The following CDC42BPB variants were observed in gnomAD, a reference collection of about 807,000 sequenced individuals.
The protein encoded by CDC42BPB is serine/threonine-protein kinase MRCK beta.
CDC42BPB carries 37 observed loss-of-function variants against 214.9 expected under a neutral mutation model. The ratio of observed to expected loss-of-function variants is 0.17; its 90% CI spans 0.13 to 0.23. The LOEUF is 0.23. Among genes scored for constraint, CDC42BPB ranks in the 10% least tolerant of loss-of-function variants. The probability of loss-of-function intolerance (pLI) is 1.00; values close to 1 mark genes in which losing one functional copy is unlikely to be tolerated. For synonymous variants in CDC42BPB, 931 were observed against 884.0 expected, an observed-to-expected ratio of 1.05 and a Z score of -0.94; for missense variants, 1,694 against 2,227.0, an observed-to-expected ratio of 0.76 and a Z score of 4.82.
chr14:103,031,607 G>A (rs979492867), intron 1 of CDC42BPB, among the ~76,000 whole-genome samples: 6 of 152,148 alleles, frequency 3.9e-5, no homozygotes, highest in Non-Finnish European at 8.8e-5. Context: ...AACGTCTGGC[G>A]ATTTCCAATT....
intron 1 of CDC42BPB, among the ~76,000 whole-genome samples, chr14:103,051,211 G>A (rs1310540045): frequency 1.3e-5 from 2 of 150,446 alleles, no homozygotes; most frequent in Non-Finnish European, 2.9e-5. Context: ...TCTGATTTTA[G>A]ATTTAAGGAG....
rs143343625 is a variant in CDC42BPB, at chr14:102,934,036, G to T, written c.5005-193C>A. 2.9e-4 allele frequency: 391 copies of T among 1,351,832 alleles called. 3 individuals are homozygous for T. The East Asian group carries it at 6.4e-3, about 22-fold the overall frequency. 83.7% of individuals were successfully genotyped at this position (1,351,832 alleles called of 1,614,324 possible). ...GGCGTGCTGGTGAGAGTCACAAATT[G>T]ATGTCTAATCCCACTCAAAAATAAC... On this transcript the variant is annotated intron_variant, in intron 36 of 36. Coordinates refer to ENST00000361246, the MANE Select transcript of CDC42BPB (RefSeq NM_006035.4).
At chr14:102,977,768 C>T (rs1893822550) in intron 9 of CDC42BPB, among the ~76,000 whole-genome samples, 1 of 152,088 alleles carries the variant, frequency 6.6e-6, no homozygotes, top group South Asian at 2.1e-4. Context: ...AATCTCACCC[C>T]CCTGGCCTCT....
rs34227020 is a variant in CDC42BPB at position 103,002,070 on chromosome 14, T to C, written c.447+1858A>G. On this transcript the variant is annotated intron_variant, in intron 4 of 36. Transcript: ENST00000361246. ...TTAATTTTGATAAAACTCTGTGAGA[T>C]AGCTCCAATAGAAACTGTAGCAGAA... Among the ~76,000 whole-genome samples the C allele has an allele frequency of 2.0e-3, 307 of 152,342 alleles. 8 individuals are homozygous for C. The East Asian group carries it at 0.047, about 24-fold the overall frequency.
At chr14:102,987,914 T>C (rs546557374) in intron 5 of CDC42BPB, among the ~76,000 whole-genome samples, 6 of 151,476 alleles carry the variant, frequency 4.0e-5, no homozygotes, top group East Asian at 1.9e-4. Flanking sequence ...GCAGAGGCTG[T>C]AGTGAGCTGT....
At chr14:103,018,880 CA>C (rs1157625628) in intron 1 of CDC42BPB, among the ~76,000 whole-genome samples, 1 of 152,212 alleles carries the variant, frequency 6.6e-6, no homozygotes, top group Non-Finnish European at 1.5e-5. Context: ...GTGGGAGAAC[CA>C]GCCTGTTGTG....
intron 1 of CDC42BPB, among the ~76,000 whole-genome samples, chr14:103,036,586 T>C (rs1463985954): frequency 6.6e-6 from 1 of 152,016 alleles, no homozygotes; most frequent in Non-Finnish European, 1.5e-5. Flanking sequence ...TACTCCTCAT[T>C]TGGAAATACA....
In CDC42BPB at chr14:102,966,405, T is replaced by C; in HGVS notation, c.2472-18A>G. ...CACTGACCCTGGAGGAGGGAACAGA[T>C]GTTCTATCTCACGAAGCATGGCTAT... is the stretch of plus-strand genomic sequence containing the variant. On this transcript the variant is annotated intron_variant, in intron 17 of 36. Transcript: ENST00000361246. 2 of 1,612,124 alleles carry C rather than the reference T, an allele frequency of 1.2e-6. No individual in the cohort carries two copies. Among genetic ancestry groups the C allele is most frequent in the South Asian group, 1.1e-5 (1 of 90,926 alleles).
At chr14:103,012,031 G>C in intron 2 of CDC42BPB, 66 bp downstream of exon 2, 1 of 996,118 alleles carries the variant, frequency 1.0e-6, no homozygotes, top group Non-Finnish European at 1.6e-6. Flanking sequence ...TGCACAAAAA[G>C]GTGAAATGGA....
At chr14:102,956,493 G>A (rs1892710954) in intron 21 of CDC42BPB, 1 of 857,748 alleles carries the variant, frequency 1.2e-6, no homozygotes, top group Admixed American at 6.2e-5. Flanking sequence ...CCTGATGGAG[G>A]GTTTTTTCTG....
chr14:103,022,203 G>A (rs967795283), intron 1 of CDC42BPB, among the ~76,000 whole-genome samples: 1 of 152,168 alleles, frequency 6.6e-6, no homozygotes, highest in African/African-American at 2.4e-5. Flanking sequence ...CTGGAAGGTG[G>A]ATGACAACCA....
intron 13 of CDC42BPB, among the ~76,000 whole-genome samples, chr14:102,971,368 TAGCCTACATA>T (rs1893465091): frequency 6.6e-6 from 1 of 152,256 alleles, no homozygotes; most frequent in Non-Finnish European, 1.5e-5. Context: ...TTGAGAGCTG[TAGCCTACATA>T]AGAAAGCTCT....
intron 1 of CDC42BPB, among the ~76,000 whole-genome samples, chr14:103,014,828 G>A (rs1355899684): frequency 6.6e-6 from 1 of 152,172 alleles, no homozygotes; most frequent in Admixed American, 6.5e-5. Context: ...CTGCACTCCA[G>A]CCTGGGCGAC....
chr14:102,979,797 G>C (rs1893919149), intron 8 of CDC42BPB, among the ~76,000 whole-genome samples: 1 of 152,112 alleles, frequency 6.6e-6, no homozygotes, highest in African/African-American at 2.4e-5. Flanking sequence ...AATTTTACGA[G>C]ATATGAGCAA....
chr14:103,002,731 C>A (rs1222976957), intron 4 of CDC42BPB, among the ~76,000 whole-genome samples: 1 of 152,106 alleles, frequency 6.6e-6, no homozygotes, highest in South Asian at 2.1e-4. Context: ...CAAGTGACTT[C>A]GCCTCCCTCT....
intron 1 of CDC42BPB, among the ~76,000 whole-genome samples, chr14:103,031,207 C>A (rs1418801218): frequency 6.6e-6 from 1 of 151,982 alleles, no homozygotes; most frequent in East Asian, 1.9e-4. Flanking sequence ...CCAGTGTGCT[C>A]CTGTATCGTC....
intron 1 of CDC42BPB, among the ~76,000 whole-genome samples, chr14:103,017,493 C>A (rs1456672355): frequency 6.6e-6 from 1 of 152,014 alleles, no homozygotes; most frequent in Non-Finnish European, 1.5e-5. Context: ...AGGCAGACAT[C>A]ACCTGAAATC....
chr14:102,975,380 G>A (rs1252217618), intron 11 of CDC42BPB, among the ~76,000 whole-genome samples: 2 of 152,082 alleles, frequency 1.3e-5, no homozygotes, highest in African/African-American at 4.8e-5. Flanking sequence ...AAAATTAGCC[G>A]GGTGTGGTGG....
At chr14:102,934,743 G>A (rs943713039) in intron 36 of CDC42BPB, among the ~76,000 whole-genome samples, 5 of 151,952 alleles carry the variant, frequency 3.3e-5, no homozygotes, top group Admixed American at 6.5e-5. Context: ...CGGGTGCGGT[G>A]GCTCACACCT....
Sources: gnomAD v4.1 joint callset for allele counts (sites outside exome capture counted in the v4.1 genomes callset) on GRCh38, gnomAD v4.1.1 for gene constraint, MANE v1.5 for transcripts, NCBI Gene and HGNC (gene_info 2026-07-23, HGNC 2026-07-21) for gene names.